The following TMEM127 variants were observed in gnomAD, a reference collection of about 807,000 sequenced individuals.
TMEM127 encodes the protein transmembrane protein 127.
A neutral mutation model predicts 20.1 loss-of-function variants in TMEM127; 21 were observed. The ratio of observed to expected loss-of-function variants is 1.04; its 90% CI spans 0.74 to 1.50. The LOEUF is 1.50. Among genes scored for constraint, TMEM127 ranks in the 40% most tolerant of loss-of-function variants. The pLI, the probability that TMEM127 is intolerant of heterozygous loss-of-function variation, is 0.00. For missense variants in TMEM127, 303 were observed against 317.4 expected (o/e 0.95, Z 0.34); for synonymous variants, 150 against 144.7 (o/e 1.04, Z -0.26).
intron 2 of TMEM127, 34 bp from the exon 3 acceptor site, chr2:96,255,031 A>G (rs1020332271): frequency 6.2e-7 from 1 of 1,613,570 alleles, no homozygotes; most frequent in Non-Finnish European, 8.5e-7. Flanking sequence ...CACGGCCCCA[A>G]GTAACACTTG....
chr2:96,265,439 G>T lies in TMEM127; in HGVS notation c.-58C>A. 7.6e-7 allele frequency: 1 copy of T among 1,309,932 alleles called. No individual in the cohort carries two copies. The highest frequency in any genetic ancestry group is 2.3e-5 in the South Asian group (1 of 43,536). 81.1% of individuals were successfully genotyped at this position (1,309,932 alleles called of 1,614,324 possible). A position where few individuals can be genotyped will look rare whatever the true frequency, so the allele number is the denominator to read the frequency against. ...CTGCTGGTCGCCGCCGACCTCCGCG[G>T]GGCGCGCAGAGCCTGACAGTCCGGT... On this transcript the variant is annotated 5_prime_UTR_variant, in exon 2 of 4. Transcript: ENST00000258439.
At chr2:96,263,466 G>A (rs538271890) in intron 2 of TMEM127, among the ~76,000 whole-genome samples, 1 of 151,668 alleles carries the variant, frequency 6.6e-6, no homozygotes, top group African/African-American at 2.4e-5. Context: ...AAGTTCAAGC[G>A]ATTCTCCTGC....
At chr2:96,260,259 A>G (rs1407451216) in intron 2 of TMEM127, among the ~76,000 whole-genome samples, 1 of 152,102 alleles carries the variant, frequency 6.6e-6, no homozygotes, top group Non-Finnish European at 1.5e-5. Flanking sequence ...CAGCTCAGAG[A>G]CTCTTCTGGA....
chr2:96,263,356 C>CTTTCTTT (rs1348162447), intron 2 of TMEM127, among the ~76,000 whole-genome samples: 2 of 143,606 alleles, frequency 1.4e-5, no homozygotes, highest in African/African-American at 5.2e-5. Flanking sequence ...AGTTCCTGGC[C>CTTTCTTT]TTTCTTTTTT....
rs1203250308 is a variant in TMEM127 at position 96,249,466 on chromosome 2, C to T, written c.*4342G>A. 3 of 224,394 alleles carry T rather than the reference C, an allele frequency of 1.3e-5. No homozygotes were observed. The highest frequency in any genetic ancestry group is 1.1e-4 in the Admixed American group (2 of 17,458). The allele number at this position is 224,394 out of a possible 1,614,324, so 13.9% of individuals were successfully genotyped here. ...TCGTTTCAGGTGGGCTCATTCAAAACGACATTTTCAGGCTTGGTGCAGTGG... is the reference window on the plus strand; with the variant it reads ...TCGTTTCAGGTGGGCTCATTCAAAATGACATTTTCAGGCTTGGTGCAGTGG... On this transcript the variant is annotated 3_prime_UTR_variant, in exon 4 of 4. Transcript: ENST00000258439.
chr2:96,253,225 T>C lies in TMEM127; in HGVS notation c.*583A>G, dbSNP rs1684127640. ...AGAGAGGGTTGCAACTGCTCTGCCT[T>C]CCCAACAGCGATTCCCTCTCCCCAT... On this transcript the variant is annotated 3_prime_UTR_variant, in exon 4 of 4. Coordinates refer to ENST00000258439, the MANE Select transcript of TMEM127 (RefSeq NM_017849.4). This position sits in a 1 kb window ranked among gnomAD's most constrained non-coding sequence, Gnocchi z 4.3. 1 of 234,656 alleles carries C rather than the reference T, an allele frequency of 4.3e-6. No homozygotes were observed. The highest frequency in any genetic ancestry group is 2.2e-5 in the African/African-American group (1 of 45,338). The allele number at this position is 234,656 out of a possible 1,614,324, so 14.5% of individuals were successfully genotyped here.
At chr2:96,264,427 T>C (rs562679623) in intron 2 of TMEM127, among the ~76,000 whole-genome samples, 1 of 152,288 alleles carries the variant, frequency 6.6e-6, no homozygotes, top group Non-Finnish European at 1.5e-5. Flanking sequence ...CATTGATCAT[T>C]GTTAGGGTAA....
At chr2:96,256,439 T>C (rs1326907065) in intron 2 of TMEM127, among the ~76,000 whole-genome samples, 11 of 150,554 alleles carry the variant, frequency 7.3e-5, no homozygotes, top group African/African-American at 2.2e-4. Context: ...GGCGTGGTGG[T>C]GCATGCCTGT....
At chr2:96,259,435 T>TGAGG (rs1245619191) in intron 2 of TMEM127, among the ~76,000 whole-genome samples, 3 of 152,224 alleles carry the variant, frequency 2.0e-5, no homozygotes, top group African/African-American at 4.8e-5. Flanking sequence ...TGTGCGTGAA[T>TGAGG]GAGGGGTCAG....
intron 2 of TMEM127, among the ~76,000 whole-genome samples, chr2:96,255,857 A>G (rs539870432): frequency 6.6e-6 from 1 of 151,018 alleles, no homozygotes; most frequent in East Asian, 1.9e-4. Flanking sequence ...GCGCATGCCT[A>G]TAGTCTTAGC....
At position 96,254,854 on chromosome 2, in the gene TMEM127, C is replaced by G. The variant is rs2104287003; in HGVS notation, c.388G>C (p.Ala130Pro). The change falls in exon 3 of 4, where the codon GCC becomes CCC. Residue 130 changes from alanine (A) to proline (P), a missense_variant. Coordinates refer to ENST00000258439, the MANE Select transcript of TMEM127 (RefSeq NM_017849.4). The stretch of plus-strand genomic sequence containing the variant: ...TTACCCGTTAGGATATGGGCGAAGG[C>G]ATAGCGACGAGTGATCTTCAGAGCA... ...HPALKITRRYAFAHILTVLQC... is the reference protein window; with the variant it reads ...HPALKITRRYPFAHILTVLQC... 1.2e-6 allele frequency: 2 copies of G among 1,614,158 alleles called. No individual in the cohort carries two copies. The highest frequency in any genetic ancestry group is 4.5e-5 in the East Asian group (2 of 44,888).
chr2:96,261,280 T>C lies in TMEM127; in HGVS notation c.244+3858A>G, dbSNP rs1296869763. Among the ~76,000 whole-genome samples the C allele has an allele frequency of 2.6e-5, 4 of 151,656 alleles. No homozygotes were observed. In the East Asian group the frequency reaches 7.7e-4, roughly 29 times the overall value. Reference sequence around the variant, plus strand: ...GGAGAAAACCCAGGATGAGGTCTTTTTTTTTTTTTTTTAAAGGAAGGGTCT... The same window carrying C: ...GGAGAAAACCCAGGATGAGGTCTTTCTTTTTTTTTTTTAAAGGAAGGGTCT... On this transcript the variant is annotated intron_variant, in intron 2 of 3. Transcript: ENST00000258439.
chr2:96,262,098 G>A (rs1009089213), intron 2 of TMEM127, among the ~76,000 whole-genome samples: 11 of 151,966 alleles, frequency 7.2e-5, no homozygotes, highest in African/African-American at 1.2e-4. Context: ...TCATCTCTAC[G>A]AAAAGTACAA....
intron 2 of TMEM127, among the ~76,000 whole-genome samples, chr2:96,257,067 G>C (rs1395461898): frequency 6.6e-6 from 1 of 152,166 alleles, no homozygotes; most frequent in Non-Finnish European, 1.5e-5. Flanking sequence ...GTTCCTGGGG[G>C]TCATGGTGCA....
chr2:96,256,897 C>T lies in TMEM127; in HGVS notation c.245-1900G>A, dbSNP rs138542455. Among the ~76,000 whole-genome samples, 868 of 152,312 alleles carry T rather than the reference C, an allele frequency of 5.7e-3. 6 individuals are homozygous for T. The highest frequency in any genetic ancestry group is 0.012 in the Admixed American group (181 of 15,290). Reference sequence around the variant, plus strand: ...CTACCTAAAAGGGACTCAGCAGACTCGGCAGAGCTGGGGACAAGCCATCAA... The same window carrying T: ...CTACCTAAAAGGGACTCAGCAGACTTGGCAGAGCTGGGGACAAGCCATCAA... On this transcript the variant is annotated intron_variant, in intron 2 of 3. Transcript: ENST00000258439.
chr2:96,265,116 G>T, intron 2 of TMEM127, 22 bp downstream of exon 2: 1 of 1,611,726 alleles, frequency 6.2e-7, no homozygotes. Flanking sequence ...AGGCTTTAAG[G>T]GCCAGCGCGC....
chr2:96,249,580 A>G lies in TMEM127; in HGVS notation c.*4228T>C, dbSNP rs1251052671. The G allele has an allele frequency of 8.7e-6, 2 of 231,018 alleles. No individual in the cohort carries two copies. Among genetic ancestry groups the G allele is most frequent in the African/African-American group, 4.4e-5 (2 of 45,190 alleles). The allele number at this position is 231,018 out of a possible 1,614,324, so 14.3% of individuals were successfully genotyped here. ...TGAGACCAGCCTGGGCAACATGGTG[A>G]GACTGTCTCTACCCACCCCCACAAA... On this transcript the variant is annotated 3_prime_UTR_variant, in exon 4 of 4. Transcript: ENST00000258439.
At chr2:96,263,836 T>A (rs1684360496) in intron 2 of TMEM127, among the ~76,000 whole-genome samples, 1 of 152,106 alleles carries the variant, frequency 6.6e-6, no homozygotes, top group South Asian at 2.1e-4. Flanking sequence ...GTATGTGTGC[T>A]TCAAAGAAAG....
chr2:96,260,318 G>C (rs1248218710), intron 2 of TMEM127, among the ~76,000 whole-genome samples: 1 of 152,200 alleles, frequency 6.6e-6, no homozygotes, highest in Non-Finnish European at 1.5e-5. Flanking sequence ...CGTCGGTACA[G>C]CAGGGAAGGC....
Sources: gnomAD v4.1 joint callset for allele counts (sites outside exome capture counted in the v4.1 genomes callset) on GRCh38, gnomAD v4.1.1 for gene constraint, Gnocchi (gnomAD v3.1) non-coding constraint, MANE v1.5 for transcripts, NCBI Gene and HGNC (gene_info 2026-07-23, HGNC 2026-07-21) for gene names.